The following SPATS2 variants were observed in gnomAD, a reference collection of about 807,000 sequenced individuals.
The protein encoded by SPATS2 is spermatogenesis-associated serine-rich protein 2.
In SPATS2, 38 loss-of-function variants were observed where a neutral mutation model predicts 63.7. The observed-to-expected ratio is 0.60, with a 90% CI of 0.46 to 0.78. SPATS2 has a LOEUF of 0.78. Among genes scored for constraint, SPATS2 ranks in the 30% least tolerant of loss-of-function variants. The pLI, the probability that SPATS2 is intolerant of heterozygous loss-of-function variation, is 0.00. For synonymous variants in SPATS2, 207 were observed against 232.9 expected, an observed-to-expected ratio of 0.89 and a Z score of 1.01; for missense variants, 588 against 666.2, an observed-to-expected ratio of 0.88 and a Z score of 1.29.
intron 10 of SPATS2, among the ~76,000 whole-genome samples, chr12:49,516,219 T>G (rs1946848992): frequency 8.7e-6 from 1 of 114,778 alleles, no homozygotes; most frequent in Non-Finnish European, 1.7e-5. Context: ...AAATCAGGCA[T>G]GGGGTCATGT....
chr12:49,427,698 A>G (rs575275145), intron 2 of SPATS2, among the ~76,000 whole-genome samples: 3 of 152,256 alleles, frequency 2.0e-5, no homozygotes, highest in South Asian at 2.1e-4. Context: ...GACTATGTCA[A>G]TTTTCCTTTT....
At chr12:49,412,628 C>G (rs1319287842) in intron 2 of SPATS2, among the ~76,000 whole-genome samples, 1 of 151,722 alleles carries the variant, frequency 6.6e-6, no homozygotes, top group Non-Finnish European at 1.5e-5. Context: ...TTCCTGTAAT[C>G]CCAGCACTTT....
chr12:49,380,567 G>A (rs1352269931), intron 2 of SPATS2, among the ~76,000 whole-genome samples: 1 of 152,110 alleles, frequency 6.6e-6, no homozygotes, highest in Non-Finnish European at 1.5e-5. Context: ...TTAGCCAGGT[G>A]TGGTGGCGTG....
chr12:49,497,387 AT>A (rs1457487742), intron 8 of SPATS2, among the ~76,000 whole-genome samples: 1 of 144,642 alleles, frequency 6.9e-6, no homozygotes, highest in Non-Finnish European at 1.5e-5. Flanking sequence ...CTTCTCTGAC[AT>A]TGACTTTTTT....
Position 49,509,018 on chromosome 12 carries a change from C to T in SPATS2, c.840-5537C>T, listed in dbSNP as rs574757191. 4.7e-4 allele frequency among the ~76,000 whole-genome samples: 72 copies of T among 151,944 alleles called. No homozygotes were observed. The South Asian group carries it at 0.012, about 26-fold the overall frequency. ...CGCAAAGGTTGCAGTGAGCCGAGAT[C>T]ATGCCACTGCACTCTGGCCTGGGCA... On this transcript the variant is annotated intron_variant, in intron 9 of 13. Coordinates refer to ENST00000552918, the MANE Select transcript of SPATS2 (RefSeq NM_023071.4).
chr12:49,447,520 A>C (rs1456087336), intron 2 of SPATS2, among the ~76,000 whole-genome samples: 1 of 152,240 alleles, frequency 6.6e-6, no homozygotes, highest in African/African-American at 2.4e-5. Flanking sequence ...TACAGGCGTG[A>C]GCCACTGTGC....
At chr12:49,445,357 A>G (rs1315407866) in intron 2 of SPATS2, among the ~76,000 whole-genome samples, 2 of 152,178 alleles carry the variant, frequency 1.3e-5, no homozygotes, top group East Asian at 3.9e-4. Context: ...TGTGACTTTT[A>G]TCATTTATTT....
rs894020126 is a variant in SPATS2, at chr12:49,521,312, A to G, written c.1009-1439A>G. 3.3e-5 allele frequency among the ~76,000 whole-genome samples: 5 copies of G among 152,288 alleles called. No individual in the cohort carries two copies. The East Asian group carries it at 5.8e-4, about 18-fold the overall frequency. On this transcript the variant is annotated intron_variant, in intron 11 of 13. Transcript: ENST00000552918. ...CCAGGACCTTACAGGGATCCTTACTATCGTCTGACCCAGTGTTAGACCTGT... is the reference window on the plus strand; with the variant it reads ...CCAGGACCTTACAGGGATCCTTACTGTCGTCTGACCCAGTGTTAGACCTGT...
chr12:49,459,868 C>G (rs1477938969), intron 2 of SPATS2, among the ~76,000 whole-genome samples: 2 of 143,846 alleles, frequency 1.4e-5, no homozygotes, highest in Non-Finnish European at 3.0e-5. Context: ...AGGCGGATCA[C>G]GAGGTCAGGA....
chr12:49,399,191 A>T (rs1944563705), intron 2 of SPATS2, among the ~76,000 whole-genome samples: 1 of 151,190 alleles, frequency 6.6e-6, no homozygotes, highest in Non-Finnish European at 1.5e-5. Context: ...GTTCATTTTC[A>T]TCAAAGTTAT....
At chr12:49,432,686 T>C (rs577568063) in intron 2 of SPATS2, among the ~76,000 whole-genome samples, 33 of 152,354 alleles carry the variant, frequency 2.2e-4, no homozygotes, top group Non-Finnish European at 4.1e-4. Context: ...TTTTGTCTTT[T>C]TGCAACTGGC....
At chr12:49,454,969 C>A (rs1945693672) in intron 2 of SPATS2, among the ~76,000 whole-genome samples, 1 of 151,690 alleles carries the variant, frequency 6.6e-6, no homozygotes, top group Middle Eastern at 3.2e-3. Flanking sequence ...CCTTTCATAT[C>A]TCAGCACCAC....
intron 2 of SPATS2, among the ~76,000 whole-genome samples, chr12:49,396,035 A>G (rs1944504923): frequency 6.6e-6 from 1 of 152,346 alleles, no homozygotes; most frequent in South Asian, 2.1e-4. Flanking sequence ...TTCACTTAGC[A>G]TAGTGTTTCA....
At chr12:49,524,648 A>G in intron 12 of SPATS2, 34 bp from the exon 13 acceptor site, 2 of 1,604,378 alleles carry the variant, frequency 1.2e-6, no homozygotes, top group Non-Finnish European at 1.7e-6. Flanking sequence ...CTGTTCTATC[A>G]TATGATCATA....
At chr12:49,440,557 C>T (rs1945398831) in intron 2 of SPATS2, among the ~76,000 whole-genome samples, 1 of 151,896 alleles carries the variant, frequency 6.6e-6, no homozygotes, top group South Asian at 2.1e-4. Flanking sequence ...CAACTTCCAC[C>T]TCCCGAGTTC....
rs978891799 is a variant in SPATS2, at chr12:49,367,510, C to T, written c.-384C>T. 7.5e-6 allele frequency: 3 copies of T among 399,014 alleles called. No individual in the cohort carries two copies. Among genetic ancestry groups the T allele is most frequent in the East Asian group, 7.1e-5 (2 of 28,090 alleles). 24.7% of individuals were successfully genotyped at this position (399,014 alleles called of 1,614,324 possible). On this transcript the variant is annotated 5_prime_UTR_variant, in exon 1 of 14. Transcript: ENST00000552918. ...AAGGGGAGGTGGAGGATCTCCTTTCCTCTTCTCAGACCCGGGAGCGTCCGG... is the reference window on the plus strand; with the variant it reads ...AAGGGGAGGTGGAGGATCTCCTTTCTTCTTCTCAGACCCGGGAGCGTCCGG...
At chr12:49,486,020 A>G (rs1032208165) in intron 4 of SPATS2, among the ~76,000 whole-genome samples, 3 of 151,876 alleles carry the variant, frequency 2.0e-5, no homozygotes, top group African/African-American at 7.3e-5. Context: ...TGGCCTCCCA[A>G]AGTGCTGGGA....
At chr12:49,452,896 G>T (rs192470533) in intron 2 of SPATS2, among the ~76,000 whole-genome samples, 1 of 151,726 alleles carries the variant, frequency 6.6e-6, no homozygotes, top group Admixed American at 6.6e-5. Context: ...AGTGGCTCAC[G>T]CTTGTAATCC....
intron 4 of SPATS2, among the ~76,000 whole-genome samples, chr12:49,488,067 G>A (rs188469001): frequency 2.1e-4 from 31 of 150,200 alleles, no homozygotes; most frequent in Middle Eastern, 3.5e-3. Context: ...TTTTTGAGAC[G>A]GAGTTTCGCT....
Sources: gnomAD v4.1 joint callset for allele counts (sites outside exome capture counted in the v4.1 genomes callset) on GRCh38, gnomAD v4.1.1 for gene constraint, MANE v1.5 for transcripts, NCBI Gene and HGNC (gene_info 2026-07-23, HGNC 2026-07-21) for gene names.